DARS1: variants seen among roughly 807,000 people sequenced by gnomAD.
DARS1 encodes aspartyl-tRNA synthetase 1, also known as aspartate--tRNA ligase, cytoplasmic.
A neutral mutation model predicts 68.8 loss-of-function variants in DARS1; 51 were observed. That is an observed-to-expected ratio of 0.74 (90% confidence interval 0.59 to 0.94). The LOEUF is 0.94. Among genes scored for constraint, DARS1 ranks in the 40% least tolerant of loss-of-function variants. The pLI is 0.00. For synonymous variants in DARS1, 203 were observed against 190.4 expected (o/e 1.07, Z -0.55); for missense variants, 607 against 597.3 (o/e 1.02, Z -0.17).
At chr2:135,907,528 A>C in intron 15 of DARS1, 121 bp from the exon 16 acceptor site, 1 of 616,154 alleles carries the variant, frequency 1.6e-6, no homozygotes, top group East Asian at 3.2e-5. Flanking sequence ...AAAGAAAATG[A>C]CTCTTATTAT....
chr2:135,923,482 G>T (rs1474033453), intron 8 of DARS1, among the ~76,000 whole-genome samples: 1 of 151,974 alleles, frequency 6.6e-6, no homozygotes, highest in East Asian at 1.9e-4. Flanking sequence ...TACAGACGGG[G>T]TTTCATCATT....
At chr2:135,977,652 A>G (rs1303449803) in intron 3 of DARS1, among the ~76,000 whole-genome samples, 3 of 152,154 alleles carry the variant, frequency 2.0e-5, no homozygotes, top group Non-Finnish European at 1.5e-5. Flanking sequence ...GCAAATCAAC[A>G]TTATTTGAAA....
chr2:135,982,209 T>C (rs1682650156), intron 2 of DARS1, among the ~76,000 whole-genome samples: 1 of 152,112 alleles, frequency 6.6e-6, no homozygotes, highest in African/African-American at 2.4e-5. Flanking sequence ...CTGTTGAAAT[T>C]ACATATATAG....
chr2:135,951,849 G>A (rs1231253829), intron 4 of DARS1, among the ~76,000 whole-genome samples: 1 of 152,028 alleles, frequency 6.6e-6, no homozygotes, highest in Non-Finnish European at 1.5e-5. Context: ...ACTTCCACAA[G>A]CAAACTGCAC....
chr2:135,954,016 T>TA (rs1335590833), intron 4 of DARS1, among the ~76,000 whole-genome samples: 1 of 151,670 alleles, frequency 6.6e-6, no homozygotes, highest in Non-Finnish European at 1.5e-5. Flanking sequence ...CTCAGTGTCC[T>TA]AAAGTGCTGG....
chr2:135,941,192 T>C (rs1018360903), intron 5 of DARS1, among the ~76,000 whole-genome samples: 5 of 152,294 alleles, frequency 3.3e-5, no homozygotes, highest in South Asian at 2.1e-4. Flanking sequence ...AAAAAGAGCC[T>C]GCATTGCGAA....
intron 5 of DARS1, among the ~76,000 whole-genome samples, chr2:135,942,643 T>TA (rs1170758123): frequency 2.6e-5 from 4 of 151,938 alleles, no homozygotes; most frequent in Non-Finnish European, 4.4e-5. Flanking sequence ...TCCTAGAACT[T>TA]AAAGTATAAA....
chr2:135,983,961 T>G (rs1318541966), intron 1 of DARS1, among the ~76,000 whole-genome samples: 1 of 152,208 alleles, frequency 6.6e-6, no homozygotes, highest in East Asian at 1.9e-4. Context: ...TAACTACAAC[T>G]TTCCTTTTGT....
At position 135,907,413 on chromosome 2, in the gene DARS1, G is replaced by C. The variant is rs1680811839; in HGVS notation, c.1415-6C>G. 6.2e-7 allele frequency: 1 copy of C among 1,601,484 alleles called. No homozygotes were observed. Among genetic ancestry groups the C allele is most frequent in the Non-Finnish European group, 8.5e-7 (1 of 1,170,916 alleles). ...CATAGTAACTCGTTCCAATCCTGGGGAAGACAAAAATAATCATTAATTCCT... is the reference window on the plus strand; with the variant it reads ...CATAGTAACTCGTTCCAATCCTGGGCAAGACAAAAATAATCATTAATTCCT... On this transcript the variant is annotated splice_polypyrimidine_tract_variant and splice_region_variant and intron_variant, in intron 15 of 15. Transcript: ENST00000264161.
intron 2 of DARS1, 104 bp from the exon 3 acceptor site, chr2:135,979,470 C>A: frequency 2.9e-6 from 2 of 679,230 alleles, no homozygotes; most frequent in South Asian, 3.6e-5. Context: ...GTACTTGGAA[C>A]CATCCTGAAT....
chr2:135,950,572 C>A (rs540567916), intron 4 of DARS1, among the ~76,000 whole-genome samples: 2 of 152,270 alleles, frequency 1.3e-5, no homozygotes, highest in African/African-American at 4.8e-5. Context: ...TGGTGATGTA[C>A]TGTTTTTAAT....
chr2:135,931,586 C>CTAA (rs1422086449), intron 7 of DARS1, among the ~76,000 whole-genome samples: 6 of 152,222 alleles, frequency 3.9e-5, no homozygotes, highest in African/African-American at 1.2e-4. Flanking sequence ...CTTAAAGTTA[C>CTAA]TAATGTACAC....
chr2:135,927,370 C>T (rs309159), intron 7 of DARS1, among the ~76,000 whole-genome samples: 30,550 of 151,978 alleles, frequency 0.2, 3,522 homozygotes, highest in Middle Eastern at 0.4. Context: ...TTATTTTCAA[C>T]TGACAAGGAA....
chr2:135,909,315 C>T lies in DARS1; in HGVS notation c.1414+1824G>A, dbSNP rs1680850767. On this transcript the variant is annotated intron_variant, in intron 15 of 15. Coordinates refer to ENST00000264161, the MANE Select transcript of DARS1 (RefSeq NM_001349.4). ...ACAAAAAATAAAAAACCATATGTAA[C>T]GACCTTAACTGGTGCTATTTATTTT... Among the ~76,000 whole-genome samples the T allele has an allele frequency of 3.3e-5, 5 of 152,182 alleles. No individual in the cohort carries two copies. The South Asian group carries it at 1.0e-3, about 32-fold the overall frequency.
At chr2:135,979,243 G>T in intron 3 of DARS1, 31 bp downstream of exon 3, 1 of 944,810 alleles carries the variant, frequency 1.1e-6, no homozygotes, top group Non-Finnish European at 1.7e-6. Flanking sequence ...AGTCCTTACC[G>T]AAAGAGCTTT....
chr2:135,977,300 T>C (rs1048082124), intron 3 of DARS1, among the ~76,000 whole-genome samples: 7 of 152,228 alleles, frequency 4.6e-5, no homozygotes, highest in African/African-American at 1.4e-4. Context: ...AGTAAACAGA[T>C]TGTAAGCACA....
At chr2:135,930,608 C>T (rs767143059) in intron 7 of DARS1, among the ~76,000 whole-genome samples, 3 of 152,042 alleles carry the variant, frequency 2.0e-5, no homozygotes, top group South Asian at 2.1e-4. Context: ...ACCTGTAATA[C>T]GAACATAATA....
intron 2 of DARS1, among the ~76,000 whole-genome samples, chr2:135,981,109 T>C (rs1682621427): frequency 6.6e-6 from 1 of 152,166 alleles, no homozygotes; most frequent in African/African-American, 2.4e-5. Flanking sequence ...TTTGCAGAGG[T>C]AAAACCAAAG....
intron 4 of DARS1, among the ~76,000 whole-genome samples, chr2:135,945,465 G>C (rs1252123294): frequency 1.3e-5 from 2 of 152,230 alleles, no homozygotes; most frequent in East Asian, 3.9e-4. Flanking sequence ...CGTCATGCTA[G>C]TATCCTTCTA....
Sources: gnomAD v4.1 joint callset for allele counts (sites outside exome capture counted in the v4.1 genomes callset) on GRCh38, gnomAD v4.1.1 for gene constraint, MANE v1.5 for transcripts, NCBI Gene and HGNC (gene_info 2026-07-23, HGNC 2026-07-21) for gene names.